Variants in C16orf92 observed in about 807,000 individuals in gnomAD.
C16orf92 encodes the protein fertilization-influencing membrane protein 1.
In C16orf92, 14 loss-of-function variants were observed where a neutral mutation model predicts 13.7. The observed-to-expected ratio is 1.02, with a 90% confidence interval of 0.67 to 1.60. The LOEUF (loss-of-function observed/expected upper bound fraction) is 1.60, where lower values mean the gene tolerates loss of function less well. C16orf92 is among the 40% of genes most tolerant of loss of function. C16orf92 has a pLI of 0.00. For missense variants in C16orf92, 116 were observed against 139.0 expected, an observed-to-expected ratio of 0.83 and a Z score of 0.83; for synonymous variants, 50 against 57.4, an observed-to-expected ratio of 0.87 and a Z score of 0.58.
Position 30,024,003 on chromosome 16 carries a change from C to T in C16orf92, c.228C>T (p.Ser76=). 11 of 1,613,460 alleles carry T rather than the reference C, an allele frequency of 6.8e-6. No homozygotes were observed. The highest frequency in any genetic ancestry group is 8.5e-6 in the Non-Finnish European group (10 of 1,179,374). ...AGGGTCCTGTTTGTCTAGCAGGTTC[C>T]AGCCCCGGGCTCTTCCATCACATCC... is the stretch of plus-strand genomic sequence containing the variant. ...EKPIVFINSG[S]SPGLFHHILV... is the part of the protein sequence containing the mutation. Residue 76 remains serine, a synonymous_variant, in exon 3 of 4, where the codon TCC becomes TCT. Transcript: ENST00000681219.
At position 30,024,354 on chromosome 16, in the gene C16orf92, T is replaced by C. The variant is rs1461450205; in HGVS notation, c.*127T>C. The C allele has an allele frequency of 5.4e-6, 7 of 1,305,934 alleles. 1 individual carries two copies. The East Asian group carries it at 1.7e-4, about 32-fold the overall frequency. The allele number at this position is 1,305,934 out of a possible 1,614,324, so 80.9% of individuals were successfully genotyped here. A position where few individuals can be genotyped will look rare whatever the true frequency, so the allele number is the denominator to read the frequency against. On this transcript the variant is annotated 3_prime_UTR_variant, in exon 4 of 4. Transcript: ENST00000681219. ...GCGAGCAGCTGGGGATCCTGTCCCC[T>C]CTGTTTCCCATGGCCCAAGCCCCCC...
chr16:30,024,351 C>T lies in C16orf92; in HGVS notation c.*124C>T. 7.6e-7 allele frequency: 1 copy of T among 1,310,302 alleles called. No individual in the cohort carries two copies. Among genetic ancestry groups the T allele is most frequent in the Non-Finnish European group, 1.0e-6 (1 of 955,982 alleles). 81.2% of individuals were successfully genotyped at this position (1,310,302 alleles called of 1,614,324 possible). A position where few individuals can be genotyped will look rare whatever the true frequency, so the allele number is the denominator to read the frequency against. ...CCAGCGAGCAGCTGGGGATCCTGTCCCCTCTGTTTCCCATGGCCCAAGCCC... is the reference window on the plus strand; with the variant it reads ...CCAGCGAGCAGCTGGGGATCCTGTCTCCTCTGTTTCCCATGGCCCAAGCCC... On this transcript the variant is annotated 3_prime_UTR_variant, in exon 4 of 4. Coordinates refer to ENST00000681219, the MANE Select transcript of C16orf92 (RefSeq NM_001109659.2).
downstream of C16orf92, chr16:30,025,599 GT>G (rs746003778): frequency 2.0e-5 from 30 of 1,486,042 alleles, no homozygotes; most frequent in East Asian, 5.4e-4. The surrounding 1 kb of genome is among the most constrained non-coding windows in gnomAD (Gnocchi z 4.1). Context: ...CAAGCACCAG[GT>G]GCTCAAAATG....
At chr16:30,025,998 C>G (rs1007712039), downstream of C16orf92, among the ~76,000 whole-genome samples, 3 of 151,712 alleles carry the variant, frequency 2.0e-5, no homozygotes, top group African/African-American at 7.3e-5. The surrounding 1 kb of genome is among the most constrained non-coding windows in gnomAD (Gnocchi z 4.1). Context: ...CTTTGGGAGG[C>G]TGAGGCAGGT....
At chr16:30,026,627 C>T (rs773342936), downstream of C16orf92, 2 of 1,613,618 alleles carry the variant, frequency 1.2e-6, no homozygotes, top group South Asian at 1.1e-5. Flanking sequence ...GTGGGAAGCA[C>T]ACCAGCACCA....
downstream of C16orf92, chr16:30,026,795 G>A: frequency 6.2e-7 from 1 of 1,614,192 alleles, no homozygotes; most frequent in Non-Finnish European, 8.5e-7. Flanking sequence ...AGATGTCGTA[G>A]ATGAAGTAGG....
chr16:30,025,682 G>C (rs1382650390), downstream of C16orf92: 3 of 1,593,082 alleles, frequency 1.9e-6, no homozygotes, highest in South Asian at 3.3e-5. This position sits in a 1 kb window ranked among gnomAD's most constrained non-coding sequence, Gnocchi z 4.1. Flanking sequence ...TCCCCTTCCT[G>C]TGACCTCCCC....
chr16:30,027,157 A>C, downstream of C16orf92: 7 of 490,462 alleles, frequency 1.4e-5, no homozygotes, highest in African/African-American at 1.9e-5. Flanking sequence ...GTGCCAAAAT[A>C]AGCCCAGGAC....
downstream of C16orf92, chr16:30,025,814 C>T: frequency 6.2e-7 from 1 of 1,613,704 alleles, no homozygotes; most frequent in Non-Finnish European, 8.5e-7. This position sits in a 1 kb window ranked among gnomAD's most constrained non-coding sequence, Gnocchi z 4.1. Context: ...CTTACCCTGT[C>T]GCCACACCTG....
At chr16:30,023,602 C>A in intron 1 of C16orf92, 125 bp from the exon 2 acceptor site, 1 of 1,556,734 alleles carries the variant, frequency 6.4e-7, no homozygotes, top group Non-Finnish European at 8.8e-7. Flanking sequence ...TGAGGGAAAT[C>A]AAGACCCTCC....
rs1446218498 is a variant in C16orf92 at position 30,024,559 on chromosome 16, A to C, written c.*332A>C. The C allele has an allele frequency of 5.2e-6, 2 of 386,620 alleles. No individual in the cohort carries two copies. Among genetic ancestry groups the C allele is most frequent in the Non-Finnish European group, 4.7e-6 (1 of 213,906 alleles). 23.9% of individuals were successfully genotyped at this position (386,620 alleles called of 1,614,324 possible). The stretch of plus-strand genomic sequence containing the variant: ...GGCAGGGCCCGAGGGCGCGATGTGC[A>C]GCCGATGGTGAGGGACTGGGCGCCC... On this transcript the variant is annotated 3_prime_UTR_variant, in exon 4 of 4. Coordinates refer to ENST00000681219, the MANE Select transcript of C16orf92 (RefSeq NM_001109659.2).
chr16:30,025,711 C>A, downstream of C16orf92: 1 of 1,613,566 alleles, frequency 6.2e-7, no homozygotes. The surrounding 1 kb of genome is among the most constrained non-coding windows in gnomAD (Gnocchi z 4.1). Context: ...CCTGCACCCT[C>A]CCATGCTCAC....
At chr16:30,024,154 G>A (rs2070979226) in intron 3 of C16orf92, 52 bp from the exon 4 acceptor site, 1 of 1,612,050 alleles carries the variant, frequency 6.2e-7, no homozygotes, top group African/African-American at 1.3e-5. Flanking sequence ...GAAGACCCCA[G>A]TTCTAGCGGG....
chr16:30,025,150 G>A (rs2071050951), downstream of C16orf92: 1 of 1,318,082 alleles, frequency 7.6e-7, no homozygotes, highest in African/African-American at 1.5e-5. The surrounding 1 kb of genome is among the most constrained non-coding windows in gnomAD (Gnocchi z 4.1). Context: ...ACGGGGGTGG[G>A]GGTGGGGAGG....
At chr16:30,023,439 G>A in intron 1 of C16orf92, 35 bp downstream of exon 1, 1 of 1,597,682 alleles carries the variant, frequency 6.3e-7, no homozygotes, top group Non-Finnish European at 8.6e-7. Context: ...AGGAAGGCAG[G>A]CAGCTCTGGG....
At chr16:30,024,946 G>A, downstream of C16orf92, 2 of 457,710 alleles carry the variant, frequency 4.4e-6, no homozygotes, top group Non-Finnish European at 7.6e-6. Flanking sequence ...GGGAGGCGGT[G>A]CCCCCTCCCC....
downstream of C16orf92, chr16:30,025,450 T>G: frequency 1.2e-6 from 2 of 1,612,406 alleles, no homozygotes; most frequent in Non-Finnish European, 1.7e-6. The surrounding 1 kb of genome is among the most constrained non-coding windows in gnomAD (Gnocchi z 4.1). Context: ...TGTGCAGCAG[T>G]GTGTGCTGCT....
downstream of C16orf92, chr16:30,025,148 G>A (rs1195416844): frequency 1.5e-6 from 2 of 1,307,066 alleles, no homozygotes; most frequent in East Asian, 2.6e-5. The surrounding 1 kb of genome is among the most constrained non-coding windows in gnomAD (Gnocchi z 4.1). Context: ...CCACGGGGGT[G>A]GGGGTGGGGA....
At chr16:30,025,267 G>C (rs1293194948), downstream of C16orf92, 1 of 1,542,112 alleles carries the variant, frequency 6.5e-7, no homozygotes, top group Admixed American at 2.1e-5. This position sits in a 1 kb window ranked among gnomAD's most constrained non-coding sequence, Gnocchi z 4.1. Flanking sequence ...GGAAGAACCA[G>C]TAGAGCTGAG....
Sources: gnomAD v4.1 joint callset for allele counts (sites outside exome capture counted in the v4.1 genomes callset) on GRCh38, gnomAD v4.1.1 for gene constraint, Gnocchi (gnomAD v3.1) non-coding constraint, MANE v1.5 for transcripts, NCBI Gene and HGNC (gene_info 2026-07-23, HGNC 2026-07-21) for gene names.